ERBB3: variants seen among roughly 807,000 people sequenced by gnomAD.
ERBB3 encodes receptor tyrosine-protein kinase erbB-3.
In ERBB3, 96 loss-of-function variants were observed where a neutral mutation model predicts 156.7. That is an observed-to-expected ratio of 0.61 (90% CI 0.52 to 0.73). The LOEUF is 0.73. Ranked by LOEUF, ERBB3 falls within the 30% of genes least tolerant of loss-of-function variation. The probability of loss-of-function intolerance (pLI) is 0.00; values close to 1 mark genes in which losing one functional copy is unlikely to be tolerated. For missense variants in ERBB3, 1,406 were observed against 1,709.4 expected, an observed-to-expected ratio of 0.82 and a Z score of 3.13; for synonymous variants, 567 against 632.0, an observed-to-expected ratio of 0.90 and a Z score of 1.54.
chr12:56,095,855 C>T (rs1734803838), intron 17 of ERBB3, 49 bp downstream of exon 17: 5 of 1,606,618 alleles, frequency 3.1e-6, no homozygotes, highest in Non-Finnish European at 4.3e-6. Flanking sequence ...TTTGCATGTC[C>T]TGGAAGTCTC....
Position 56,101,751 on chromosome 12 carries a change from C to T in ERBB3, c.3725C>T (p.Pro1242Leu). 6.2e-7 allele frequency: 1 copy of T among 1,613,704 alleles called. No individual in the cohort carries two copies. The highest frequency in any genetic ancestry group is 2.2e-5 in the East Asian group (1 of 44,870). ...TCTCTGGGCAGCACACAGAGTTGCCCACTCCACCCTGTACCCATCATGCCC... is the reference window on the plus strand; with the variant it reads ...TCTCTGGGCAGCACACAGAGTTGCCTACTCCACCCTGTACCCATCATGCCC... Reference protein sequence around the residue: ...SASLGSTQSCPLHPVPIMPTA... With the variant: ...SASLGSTQSCLLHPVPIMPTA... Residue 1242 changes from proline to leucine, a missense_variant, in exon 28 of 28, where the codon CCA becomes CTA. Around this residue, in one of 3 missense-constraint regions of ERBB3, gnomAD observed 415 missense variants for 454.1 expected, o/e 0.91. Coordinates refer to ENST00000267101, the MANE Select transcript of ERBB3 (RefSeq NM_001982.4).
intron 9 of ERBB3, among the ~76,000 whole-genome samples, chr12:56,092,334 A>G (rs1592228731): frequency 8.0e-6 from 1 of 125,210 alleles, no homozygotes; most frequent in African/African-American, 3.0e-5. Flanking sequence ...GGTTGCAGTG[A>G]GCTGAGATTG....
rs1480555540 is a variant in ERBB3, at chr12:56,094,138, C to T, written c.1653C>T (p.Ser551=). The change falls in exon 14 of 28, where the codon TCC becomes TCT. Residue 551 remains serine (S), a synonymous_variant. Transcript: ENST00000267101. The part of the protein sequence containing the change: ...REFAHEAECF[S]CHPECQPMEG... Reference sequence around the variant, plus strand: ...TTGCCCATGAGGCCGAATGCTTCTCCTGCCACCCGGAATGCCAACCCATGG... The same window carrying T: ...TTGCCCATGAGGCCGAATGCTTCTCTTGCCACCCGGAATGCCAACCCATGG... 4 of 1,614,118 alleles carry T rather than the reference C, an allele frequency of 2.5e-6. No individual in the cohort carries two copies. The South Asian group carries it at 3.3e-5, about 13-fold the overall frequency.
At chr12:56,098,329 G>A (rs976028247) in intron 21 of ERBB3, 171 bp from the exon 22 acceptor site, 17 of 629,732 alleles carry the variant, frequency 2.7e-5, no homozygotes, top group Admixed American at 2.0e-4. Flanking sequence ...GGAGAATGGC[G>A]TGAACCCAGG....
chr12:56,097,810 G>C lies in ERBB3; in HGVS notation c.2486G>C (p.Gly829Ala), dbSNP rs1868938647. The C allele has an allele frequency of 1.2e-6, 2 of 1,613,984 alleles. No individual in the cohort carries two copies. The highest frequency in any genetic ancestry group is 1.7e-6 in the Non-Finnish European group (2 of 1,179,984). The change falls in exon 21 of 28, where the codon GGT becomes GCT. Residue 829 changes from glycine (G) to alanine (A), a missense_variant. Physicochemically the swap from Gly to Ala is moderately conservative, Grantham distance 60. Transcript: ENST00000267101. ...AKGMYYLEEH[G>A]MVHRNLAARN... ...GGAATGTACTACCTTGAGGAACATGGTATGGTGCATAGAAACCTGGCTGCC... is the reference window on the plus strand; with the variant it reads ...GGAATGTACTACCTTGAGGAACATGCTATGGTGCATAGAAACCTGGCTGCC...
chr12:56,101,350 C>A lies in ERBB3; in HGVS notation c.3491C>A (p.Thr1164Lys). Residue 1164 changes from threonine (T) to lysine (K), a missense_variant, in exon 27 of 28, where the codon ACA becomes AAA. Physicochemically the swap from Thr to Lys is moderately conservative, Grantham distance 78 (BLOSUM62 -1). This residue lies in a region of ERBB3 where 415 missense variants were observed against 454.1 expected (regional missense o/e 0.91). Coordinates refer to ENST00000267101, the MANE Select transcript of ERBB3 (RefSeq NM_001982.4). ...GTCAACGGTTATGTCATGCCAGATA[C>A]ACACCTCAAAGGTGCCTGACTCTTC... ...EDVNGYVMPD[T>K]HLKGTPSSRE... 6.2e-7 allele frequency: 1 copy of A among 1,614,192 alleles called. No individual in the cohort carries two copies.
intron 17 of ERBB3, chr12:56,096,172 A>C: frequency 2.0e-6 from 1 of 508,982 alleles, no homozygotes; most frequent in South Asian, 2.1e-5. Flanking sequence ...TGTATGTGAA[A>C]GTGCTTTGGA....
At chr12:56,086,439 T>C in intron 3 of ERBB3, 92 bp from the exon 4 acceptor site, 1 of 1,488,354 alleles carries the variant, frequency 6.7e-7, no homozygotes, top group Non-Finnish European at 9.4e-7. Context: ...CTCCCACTCC[T>C]GAGTCTCAGG....
Position 56,099,918 on chromosome 12 carries a change from G to A in ERBB3, c.3018G>A (p.Glu1006=), listed in dbSNP as rs1555212522. Residue 1006 remains glutamate, a synonymous_variant, in exon 25 of 28, where the codon GAG becomes GAA. Transcript: ENST00000267101. The part of the protein sequence containing the change: ...TNKKLEEVEL[E]PELDLDLDLE... The stretch of plus-strand genomic sequence containing the variant: ...AGAAGCTAGAGGAAGTAGAGCTGGA[G>A]CCAGAACTAGACCTAGACCTAGACT... 4 of 1,614,226 alleles carry A rather than the reference G, an allele frequency of 2.5e-6. No homozygotes were observed. Among genetic ancestry groups the A allele is most frequent in the Non-Finnish European group, 3.4e-6 (4 of 1,180,030 alleles).
Position 56,096,181 on chromosome 12 carries a change from G to A in ERBB3, c.2056-322G>A, listed in dbSNP as rs1378719081. The A allele has an allele frequency of 1.4e-5, 7 of 513,386 alleles. No homozygotes were observed. In the Admixed American group the frequency reaches 1.9e-4, roughly 14 times the overall value. 31.8% of individuals were successfully genotyped at this position (513,386 alleles called of 1,614,324 possible). On this transcript the variant is annotated intron_variant, in intron 17 of 27. Coordinates refer to ENST00000267101, the MANE Select transcript of ERBB3 (RefSeq NM_001982.4). ...GGATGATGTATGTGAAAGTGCTTTG[G>A]AAAGCACAGAGCACTGTATAAAAGG...
intron 11 of ERBB3, 78 bp downstream of exon 11, chr12:56,093,154 G>A: frequency 7.1e-6 from 9 of 1,272,934 alleles, no homozygotes; most frequent in Non-Finnish European, 9.2e-6. Context: ...TAAAATACAA[G>A]GCACTGTCTC....
At chr12:56,089,743 CA>C (rs1308942910) in intron 9 of ERBB3, among the ~76,000 whole-genome samples, 239 of 136,300 alleles carry the variant, frequency 1.8e-3, no homozygotes, top group Admixed American at 2.4e-3. Context: ...GACTCTTTCT[CA>C]AAAAAAAAAA....
chr12:56,095,499 C>CT, intron 16 of ERBB3, 166 bp from the exon 17 acceptor site: 1 of 949,160 alleles, frequency 1.1e-6, no homozygotes. Flanking sequence ...TTTCAGTAGT[C>CT]TAAGACTGGT....
At chr12:56,089,257 A>G (rs796401761) in intron 9 of ERBB3, 18 of 407,612 alleles carry the variant, frequency 4.4e-5, no homozygotes, top group South Asian at 3.3e-4. Flanking sequence ...AGCTGGGACT[A>G]TAGGCACACA....
At chr12:56,091,264 T>TTTTATATATATATATA in intron 9 of ERBB3, among the ~76,000 whole-genome samples, 1 of 34,070 alleles carries the variant, frequency 2.9e-5, no homozygotes, top group African/African-American at 9.6e-5. Flanking sequence ...GCTTGGCTAA[T>TTTTATATATATATATA]TTTATATATA....
intron 9 of ERBB3, among the ~76,000 whole-genome samples, chr12:56,091,307 A>T: frequency 2.3e-5 from 1 of 44,228 alleles, no homozygotes; most frequent in African/African-American, 8.5e-5. Flanking sequence ...AATAATATAT[A>T]TAAATATAAA....
Position 56,093,798 on chromosome 12 carries a change from C to T in ERBB3, c.1515C>T (p.Ser505=), listed in dbSNP as rs759860285. Residue 505 remains serine (S), a synonymous_variant, in exon 13 of 28, where the codon TCC becomes TCT. Transcript: ENST00000267101. ...AEGKVCDPLC[S]SGGCWGPGPG... ...GCAAAGTGTGTGACCCACTGTGCTCCTCTGGGGGATGCTGGGGCCCAGGCC... is the reference window on the plus strand; with the variant it reads ...GCAAAGTGTGTGACCCACTGTGCTCTTCTGGGGGATGCTGGGGCCCAGGCC... 1.9e-6 allele frequency: 3 copies of T among 1,614,016 alleles called. No individual in the cohort carries two copies. In the Admixed American group the frequency reaches 5.0e-5, roughly 27 times the overall value.
Position 56,085,181 on chromosome 12 carries a change from G to A in ERBB3, c.421G>A (p.Glu141Lys), listed in dbSNP as rs764216267. The change falls in exon 3 of 28, where the codon GAG becomes AAG. Residue 141 changes from glutamate to lysine, a missense_variant and splice_region_variant. Physicochemically the swap from Glu to Lys is moderately conservative, Grantham distance 56. Transcript: ENST00000267101. ...CCAGCTCCGCTTGACTCAGCTCACC[G>A]GTCAGTTCCCGATGGTTCCTTCTGG... Reference protein sequence around the residue: ...LRQLRLTQLTEILSGGVYIEK... With the variant: ...LRQLRLTQLTKILSGGVYIEK... The A allele has an allele frequency of 4.7e-5, 76 of 1,613,996 alleles. No homozygotes were observed. Among genetic ancestry groups the A allele is most frequent in the Non-Finnish European group, 5.9e-5 (70 of 1,180,026 alleles).
chr12:56,092,750 C>T lies in ERBB3; in HGVS notation c.1113C>T (p.Asp371=). ...TGGTTTCTACTGTTCTATTCAGAGA[C>T]CCCTGGCACAAGATCCCTGCCCTGG... ...LDFLITGLNG[D]PWHKIPALDP... The change falls in exon 10 of 28, where the codon GAC becomes GAT. Residue 371 remains aspartate (D), a synonymous_variant. Coordinates refer to ENST00000267101, the MANE Select transcript of ERBB3 (RefSeq NM_001982.4). The T allele has an allele frequency of 6.2e-7, 1 of 1,612,990 alleles. No homozygotes were observed. Among genetic ancestry groups the T allele is most frequent in the Non-Finnish European group, 8.5e-7 (1 of 1,178,988 alleles).
Sources: gnomAD v4.1 joint callset for allele counts (sites outside exome capture counted in the v4.1 genomes callset) on GRCh38, gnomAD v4.1.1 for gene constraint, gnomAD v4.1.1 regional missense constraint, MANE v1.5 for transcripts, NCBI Gene and HGNC (gene_info 2026-07-23, HGNC 2026-07-21) for gene names.